The following LRP1B variants were observed in gnomAD, a reference collection of about 807,000 sequenced individuals.
The protein encoded by LRP1B is low-density lipoprotein receptor-related protein 1B.
A neutral mutation model predicts 556.6 loss-of-function variants in LRP1B; 217 were observed. The observed-to-expected ratio is 0.39, with a 90% CI of 0.35 to 0.44. The LOEUF (loss-of-function observed/expected upper bound fraction) is 0.44. Ranked by LOEUF, LRP1B falls within the 20% of genes least tolerant of loss-of-function variation. The probability of loss-of-function intolerance (pLI) is 1.00; values close to 1 mark genes in which losing one functional copy is unlikely to be tolerated. For missense variants in LRP1B, 5,053 were observed against 5,620.8 expected, an observed-to-expected ratio of 0.90 and a Z score of 3.23; for synonymous variants, 2,047 against 1,865.8, an observed-to-expected ratio of 1.10 and a Z score of -2.50.
chr2:140,896,798 A>ATC (rs566835652), intron 23 of LRP1B, among the ~76,000 whole-genome samples: 1 of 151,368 alleles, frequency 6.6e-6, no homozygotes, highest in Non-Finnish European at 1.5e-5. Context: ...TGCTATCATC[A>ATC]TTTTTTTTTC....
intron 6 of LRP1B, among the ~76,000 whole-genome samples, chr2:141,191,403 CTCAGTAACATGCTGCT>C (rs1253488187): frequency 6.6e-6 from 1 of 151,830 alleles, no homozygotes; most frequent in Non-Finnish European, 1.5e-5. Context: ...AAAATACTTC[CTCAGTAACATGCTGCT>C]TCTATTGATG....
intron 4 of LRP1B, among the ~76,000 whole-genome samples, chr2:141,250,232 T>C (rs71417132): frequency 0.21 from 32,680 of 152,138 alleles, 3,593 homozygotes; most frequent in South Asian, 0.25. Flanking sequence ...AGAATACACC[T>C]GAGCCTATGC....
At chr2:141,184,605 A>T (rs76806343) in intron 7 of LRP1B, among the ~76,000 whole-genome samples, 2 of 132,346 alleles carry the variant, frequency 1.5e-5, no homozygotes, top group Non-Finnish European at 3.2e-5. Flanking sequence ...ATGTTACATT[A>T]AAAAAAAAAA....
At chr2:141,783,840 T>A (rs1336967142) in intron 2 of LRP1B, among the ~76,000 whole-genome samples, 1 of 151,814 alleles carries the variant, frequency 6.6e-6, no homozygotes, top group Non-Finnish European at 1.5e-5. Flanking sequence ...ACCAATAAGA[T>A]GGTAATTACA....
chr2:141,374,541 T>C (rs1689356307), intron 3 of LRP1B, among the ~76,000 whole-genome samples: 1 of 152,180 alleles, frequency 6.6e-6, no homozygotes, highest in Non-Finnish European at 1.5e-5. Context: ...ATGTGGTTTC[T>C]GGTGTCTTGA....
In LRP1B at chr2:140,231,735, A is replaced by G. The variant is rs190739739; in HGVS notation, c.*1451T>C. The G allele has an allele frequency of 1.2e-4, 18 of 151,772 alleles. No homozygotes were observed. Among genetic ancestry groups the G allele is most frequent in the Admixed American group, 8.6e-4 (13 of 15,120 alleles). The allele number at this position is 151,772 out of a possible 1,614,324, so 9.4% of individuals were successfully genotyped here. A position where few individuals can be genotyped will look rare whatever the true frequency, so the allele number is the denominator to read the frequency against. On this transcript the variant is annotated 3_prime_UTR_variant, in exon 91 of 91. Coordinates refer to ENST00000389484, the MANE Select transcript of LRP1B (RefSeq NM_018557.3). ...TTCTTATAAAACAGCAGTTTTTTTA[A>G]TGCTTGTACAAAGGGATAAAGAGCA...
intron 2 of LRP1B, among the ~76,000 whole-genome samples, chr2:141,625,433 A>C (rs1448760765): frequency 1.3e-5 from 2 of 152,206 alleles, no homozygotes; most frequent in African/African-American, 4.8e-5. Context: ...CATACTAAGG[A>C]TATTATGAAA....
chr2:141,797,671 A>C (rs961713721), intron 2 of LRP1B, among the ~76,000 whole-genome samples: 6 of 152,156 alleles, frequency 3.9e-5, no homozygotes, highest in African/African-American at 1.4e-4. Flanking sequence ...CTACTTAGCT[A>C]TAAGGTTTAC....
intron 3 of LRP1B, among the ~76,000 whole-genome samples, chr2:141,293,407 C>G: frequency 6.6e-6 from 1 of 152,164 alleles, no homozygotes; most frequent in East Asian, 1.9e-4. Context: ...AGTCTGAATG[C>G]TATGAACATC....
At chr2:141,468,849 C>G (rs560825081) in intron 3 of LRP1B, among the ~76,000 whole-genome samples, 1 of 152,198 alleles carries the variant, frequency 6.6e-6, no homozygotes, top group African/African-American at 2.4e-5. Flanking sequence ...CTTGTCCTTC[C>G]CATTCTCCTT....
chr2:140,672,397 T>C (rs912159226), intron 41 of LRP1B, among the ~76,000 whole-genome samples: 1 of 147,256 alleles, frequency 6.8e-6, no homozygotes, highest in South Asian at 2.1e-4. Context: ...GGCAGGAGAA[T>C]CGCTTGAACC....
Position 140,780,453 on chromosome 2 carries a change from C to T in LRP1B, c.5360-4215G>A, listed in dbSNP as rs75330928. Among the ~76,000 whole-genome samples the T allele has an allele frequency of 7.2e-3, 1,090 of 152,278 alleles. 10 individuals carry two copies. The highest frequency in any genetic ancestry group is 0.025 in the African/African-American group (1,049 of 41,550). On this transcript the variant is annotated intron_variant, in intron 32 of 90. Coordinates refer to ENST00000389484, the MANE Select transcript of LRP1B (RefSeq NM_018557.3). Reference sequence around the variant, plus strand: ...CTGTCTCCTAGGCCAAAGCCCCTCACCATGGGGACATGGGTGATTGAGTGA... The same window carrying T: ...CTGTCTCCTAGGCCAAAGCCCCTCATCATGGGGACATGGGTGATTGAGTGA...
rs777213091 is a variant in LRP1B, at chr2:140,784,411, C to CACACACACACACAT, written c.5360-8174_5360-8173insATGTGTGTGTGTGT. 3.7e-3 allele frequency among the ~76,000 whole-genome samples: 550 copies of CACACACACACACAT among 150,094 alleles called. 2 individuals carry two copies. Among genetic ancestry groups the CACACACACACACAT allele is most frequent in the Non-Finnish European group, 6.2e-3 (417 of 67,134 alleles). ...ACACACACACACACACACACACACA[C>CACACACACACACAT]ACACACACACAAAAGGCTCAGTGCA... On this transcript the variant is annotated intron_variant, in intron 32 of 90. Transcript: ENST00000389484.
rs897799360 is a variant in LRP1B at position 140,379,060 on chromosome 2, G to A, written c.10532-774C>T. Reference sequence around the variant, plus strand: ...AAATGAAGTAGGATTTCAGAAATTCGTTCATGCAAGTAATCAATATGACTG... The same window carrying A: ...AAATGAAGTAGGATTTCAGAAATTCATTCATGCAAGTAATCAATATGACTG... On this transcript the variant is annotated intron_variant, in intron 67 of 90. Coordinates refer to ENST00000389484, the MANE Select transcript of LRP1B (RefSeq NM_018557.3). Among the ~76,000 whole-genome samples, 7 of 152,116 alleles carry A rather than the reference G, an allele frequency of 4.6e-5. No individual in the cohort carries two copies. In the East Asian group the frequency reaches 5.8e-4, roughly 13 times the overall value.
At chr2:141,689,026 T>C (rs1204913239) in intron 2 of LRP1B, among the ~76,000 whole-genome samples, 5 of 151,888 alleles carry the variant, frequency 3.3e-5, no homozygotes, top group African/African-American at 1.2e-4. Context: ...CTGCAGATGC[T>C]ATCAATTAAA....
At chr2:140,964,409 G>A (rs1696134170) in intron 18 of LRP1B, among the ~76,000 whole-genome samples, 1 of 152,036 alleles carries the variant, frequency 6.6e-6, no homozygotes, top group South Asian at 2.1e-4. Flanking sequence ...CCAGGGAAAG[G>A]GAGACCTCCC....
intron 41 of LRP1B, among the ~76,000 whole-genome samples, chr2:140,641,042 A>G (rs939241844): frequency 3.3e-5 from 5 of 152,198 alleles, no homozygotes; most frequent in African/African-American, 1.2e-4. Flanking sequence ...TTAATATTAA[A>G]TTTGAAACAT....
chr2:141,316,148 T>G (rs571903035), intron 3 of LRP1B, among the ~76,000 whole-genome samples: 1 of 152,208 alleles, frequency 6.6e-6, no homozygotes, highest in African/African-American at 2.4e-5. Flanking sequence ...AGCTAATGAT[T>G]TTGACATGAA....
chr2:141,076,938 A>G (rs367819650), intron 7 of LRP1B, among the ~76,000 whole-genome samples: 1 of 152,308 alleles, frequency 6.6e-6, no homozygotes, highest in Admixed American at 6.5e-5. Context: ...TTAGTCTCAT[A>G]ATCAAAGAAT....
Sources: allele counts gnomAD v4.1 joint callset (sites outside exome capture counted in the v4.1 genomes callset), GRCh38; gene constraint gnomAD v4.1.1; transcripts MANE v1.5; gene names NCBI Gene and HGNC (gene_info 2026-07-23, HGNC 2026-07-21).